The following LPP variants were observed in gnomAD, a reference collection of about 807,000 sequenced individuals.
The protein encoded by LPP is LIM domain containing preferred translocation partner in lipoma, also known as lipoma-preferred partner.
Under a neutral mutation model 60.4 loss-of-function variants are expected in LPP, and 38 were observed. The observed-to-expected ratio is 0.63, with a 90% CI of 0.49 to 0.83. The LOEUF (loss-of-function observed/expected upper bound fraction) is 0.83, where lower values mean the gene tolerates loss of function less well. Ranked by LOEUF, LPP falls within the 40% of genes least tolerant of loss-of-function variation. LPP has a pLI of 0.00. For missense variants in LPP, 902 were observed against 783.6 expected, an observed-to-expected ratio of 1.15 and a Z score of -1.80; for synonymous variants, 328 against 290.8, an observed-to-expected ratio of 1.13 and a Z score of -1.30.
intron 5 of LPP, among the ~76,000 whole-genome samples, chr3:188,522,191 A>G (rs891998028): frequency 6.6e-6 from 1 of 152,166 alleles, no homozygotes; most frequent in Non-Finnish European, 1.5e-5. Flanking sequence ...AGACTCAGAA[A>G]AGTCTAAATT....
chr3:188,645,252 T>G (rs1850893261), intron 7 of LPP, among the ~76,000 whole-genome samples: 1 of 152,160 alleles, frequency 6.6e-6, no homozygotes, highest in South Asian at 2.1e-4. Flanking sequence ...CTAGAACTTT[T>G]TTTTTTTTTC....
At chr3:188,245,597 G>T (rs1276242888) in intron 2 of LPP, among the ~76,000 whole-genome samples, 2 of 151,786 alleles carry the variant, frequency 1.3e-5, no homozygotes, top group East Asian at 3.9e-4. Flanking sequence ...ATGCAATAAA[G>T]ACCACAAAGT....
intron 1 of LPP, among the ~76,000 whole-genome samples, chr3:188,185,405 C>T (rs1577171451): frequency 6.6e-6 from 1 of 152,188 alleles, no homozygotes; most frequent in South Asian, 2.1e-4. Flanking sequence ...GTAGATAACT[C>T]TGTTTTCCCC....
At chr3:188,229,781 T>A (rs1719165937) in intron 2 of LPP, among the ~76,000 whole-genome samples, 1 of 152,250 alleles carries the variant, frequency 6.6e-6, no homozygotes, top group Non-Finnish European at 1.5e-5. Flanking sequence ...ACAGTGGAGA[T>A]ACCTCTACTC....
intron 2 of LPP, among the ~76,000 whole-genome samples, chr3:188,322,556 C>T (rs1444727083): frequency 6.6e-6 from 1 of 152,120 alleles, no homozygotes; most frequent in East Asian, 1.9e-4. Flanking sequence ...TAGAAAAGAC[C>T]TCTTTAAAAA....
intron 7 of LPP, among the ~76,000 whole-genome samples, chr3:188,693,722 C>A (rs761705329): frequency 6.6e-6 from 1 of 152,158 alleles, no homozygotes; most frequent in Non-Finnish European, 1.5e-5. Context: ...CCGAGAATAA[C>A]AGCAATGATT....
intron 4 of LPP, among the ~76,000 whole-genome samples, chr3:188,415,813 C>T (rs763608203): frequency 2.6e-4 from 40 of 151,732 alleles, no homozygotes; most frequent in African/African-American, 5.3e-4. Flanking sequence ...ACAAAGAGGA[C>T]GCAGCAAGAG....
At chr3:188,170,112 T>C (rs1352608725) in intron 1 of LPP, among the ~76,000 whole-genome samples, 1 of 152,216 alleles carries the variant, frequency 6.6e-6, no homozygotes, top group Non-Finnish European at 1.5e-5. Context: ...CCAATTTTTA[T>C]TATAGCCTGA....
At chr3:188,467,141 T>A (rs7610761) in intron 4 of LPP, among the ~76,000 whole-genome samples, 56,861 of 151,450 alleles carry the variant, frequency 0.38, 11,344 homozygotes, top group Admixed American at 0.45. Flanking sequence ...ATATAAAACT[T>A]GTTTAGCTGC....
chr3:188,309,329 C>T (rs778299408), intron 2 of LPP, among the ~76,000 whole-genome samples: 1 of 152,028 alleles, frequency 6.6e-6, no homozygotes, highest in Admixed American at 6.6e-5. Flanking sequence ...CCGGAGCCTG[C>T]GTTTCTTCTA....
chr3:188,314,676 C>G (rs1421350549), intron 2 of LPP, among the ~76,000 whole-genome samples: 1 of 152,000 alleles, frequency 6.6e-6, no homozygotes, highest in Non-Finnish European at 1.5e-5. Flanking sequence ...CAAAAATTAG[C>G]TGGGCATGGT....
chr3:188,552,676 A>G (rs1828460953), intron 6 of LPP, among the ~76,000 whole-genome samples: 2 of 152,030 alleles, frequency 1.3e-5, no homozygotes, highest in Non-Finnish European at 2.9e-5. Flanking sequence ...CTTTCTAGTG[A>G]CATTGCATTT....
intron 1 of LPP, among the ~76,000 whole-genome samples, chr3:188,184,948 C>T (rs942367208): frequency 9.2e-5 from 14 of 151,942 alleles, no homozygotes; most frequent in South Asian, 2.1e-4. Context: ...GGGTCTTGGA[C>T]GTAAGAAGAG....
intron 6 of LPP, among the ~76,000 whole-genome samples, chr3:188,528,046 G>A (rs889823207): frequency 6.6e-6 from 1 of 152,112 alleles, no homozygotes; most frequent in Non-Finnish European, 1.5e-5. Context: ...GTTTGTCAGG[G>A]AGTAGTTTTA....
chr3:188,602,164 A>AAT lies in LPP; in HGVS notation c.430-6986_430-6985dup, dbSNP rs1180340810. 4.2e-3 allele frequency among the ~76,000 whole-genome samples: 419 copies of AAT among 98,906 alleles called. 21 individuals are homozygous for AAT. Among genetic ancestry groups the AAT allele is most frequent in the African/African-American group, 0.015 (404 of 26,290 alleles). 64.9% of individuals were successfully genotyped at this position (98,906 alleles called of 152,430 possible). ...TCTCATATATATATAATATATATAT[A>AAT]ATATATATATATTATATATATATAT... On this transcript the variant is annotated intron_variant, in intron 6 of 11. Transcript: ENST00000617246.
chr3:188,770,165 A>ATTATTT (rs1560181309), intron 9 of LPP, among the ~76,000 whole-genome samples: 1 of 122,986 alleles, frequency 8.1e-6, no homozygotes, highest in African/African-American at 3.2e-5. Flanking sequence ...CATAGTTATA[A>ATTATTT]TTCTTTTTTT....
At chr3:188,757,734 A>G (rs1430146983) in intron 8 of LPP, among the ~76,000 whole-genome samples, 1 of 152,178 alleles carries the variant, frequency 6.6e-6, no homozygotes, top group Non-Finnish European at 1.5e-5. Flanking sequence ...GGAATCTAAT[A>G]TGCTTTTAAT....
chr3:188,756,587 T>C (rs1730330230), intron 8 of LPP, among the ~76,000 whole-genome samples: 2 of 152,238 alleles, frequency 1.3e-5, no homozygotes, highest in Admixed American at 6.5e-5. Context: ...TTCTCTCCAT[T>C]CTGAATCTCT....
intron 7 of LPP, among the ~76,000 whole-genome samples, chr3:188,623,283 AGC>A (rs1403632234): frequency 1.5e-4 from 21 of 142,888 alleles, no homozygotes; most frequent in African/African-American, 4.4e-4. Context: ...TTTGAAAGAG[AGC>A]GTCACTCTAT....
Sources: allele counts gnomAD v4.1 joint callset (sites outside exome capture counted in the v4.1 genomes callset), GRCh38; gene constraint gnomAD v4.1.1; transcripts MANE v1.5; gene names NCBI Gene and HGNC (gene_info 2026-07-23, HGNC 2026-07-21).